Variants in OSBPL1A observed in about 807,000 individuals in gnomAD.
OSBPL1A encodes oxysterol binding protein like 1A.
Under a neutral mutation model 137.1 loss-of-function variants are expected in OSBPL1A, and 80 were observed. That is an observed-to-expected ratio of 0.58 (90% confidence interval 0.49 to 0.70). The LOEUF (loss-of-function observed/expected upper bound fraction) is 0.70. Ranked by LOEUF, OSBPL1A falls within the 30% of genes least tolerant of loss-of-function variation. The pLI is 0.00. For synonymous variants in OSBPL1A, 365 were observed against 389.7 expected, an observed-to-expected ratio of 0.94 and a Z score of 0.75; for missense variants, 970 against 1,129.4, an observed-to-expected ratio of 0.86 and a Z score of 2.02.
intron 7 of OSBPL1A, among the ~76,000 whole-genome samples, chr18:24,322,403 G>A (rs1354550438): frequency 6.6e-6 from 1 of 151,988 alleles, no homozygotes; most frequent in Non-Finnish European, 1.5e-5. Flanking sequence ...TTACAGGTGT[G>A]AGCCACCGTG....
intron 4 of OSBPL1A, chr18:24,366,608 T>TAAAA (rs546254870): frequency 4.0e-4 from 100 of 247,512 alleles, no homozygotes; most frequent in African/African-American, 2.2e-3. Context: ...ATTTTTTTTT[T>TAAAA]AAAAAAAAGA....
intron 16 of OSBPL1A, among the ~76,000 whole-genome samples, chr18:24,230,640 C>T (rs2088242226): frequency 6.6e-6 from 1 of 152,168 alleles, no homozygotes; most frequent in African/African-American, 2.4e-5. Flanking sequence ...CATAGCTAGA[C>T]TTCAGACAAT....
intron 17 of OSBPL1A, among the ~76,000 whole-genome samples, chr18:24,221,661 T>C (rs1219858011): frequency 6.6e-6 from 1 of 152,220 alleles, no homozygotes; most frequent in Non-Finnish European, 1.5e-5. Flanking sequence ...TTCTTCCATA[T>C]TAAATGATTA....
intron 21 of OSBPL1A, among the ~76,000 whole-genome samples, chr18:24,174,693 T>C (rs1172393447): frequency 1.3e-5 from 2 of 152,206 alleles, no homozygotes; most frequent in Admixed American, 6.5e-5. Flanking sequence ...TAAATTGTAA[T>C]AGGTATAAAT....
chr18:24,262,480 CA>C (rs1426768012), intron 15 of OSBPL1A, among the ~76,000 whole-genome samples: 1 of 151,772 alleles, frequency 6.6e-6, no homozygotes, highest in African/African-American at 2.4e-5. Context: ...ATCTTGTTTT[CA>C]GAAGTTATTC....
chr18:24,261,230 G>A (rs932918026), intron 15 of OSBPL1A, among the ~76,000 whole-genome samples: 9 of 152,106 alleles, frequency 5.9e-5, no homozygotes, highest in African/African-American at 2.2e-4. Flanking sequence ...ATAAAAAGCT[G>A]ATCAATACTT....
At position 24,251,655 on chromosome 18, in the gene OSBPL1A, T is replaced by C. The variant is rs141598546; in HGVS notation, c.1282-12273A>G. Among the ~76,000 whole-genome samples, 1,257 of 152,204 alleles carry C rather than the reference T, an allele frequency of 8.3e-3. 17 individuals are homozygous for C. Among genetic ancestry groups the C allele is most frequent in the Non-Finnish European group, 9.6e-3 (651 of 68,024 alleles). On this transcript the variant is annotated intron_variant, in intron 15 of 27. Coordinates refer to ENST00000319481, the MANE Select transcript of OSBPL1A (RefSeq NM_080597.4). ...CTACAATAAATACCTAACTCTTCAA[T>C]GCCCAGACACCAAAGAACATCGGCA...
At chr18:24,347,967 G>A (rs911073467) in intron 4 of OSBPL1A, 6 of 150,460 alleles carry the variant, frequency 4.0e-5, no homozygotes, top group African/African-American at 1.5e-4. Flanking sequence ...AAGGAAATAA[G>A]AGAACACCTT....
chr18:24,260,222 T>C (rs932185085), intron 15 of OSBPL1A, among the ~76,000 whole-genome samples: 9 of 152,182 alleles, frequency 5.9e-5, no homozygotes, highest in Non-Finnish European at 1.0e-4. Context: ...CTGATGGGAA[T>C]GTAAAACGTC....
At chr18:24,199,842 C>T (rs1252187122) in intron 17 of OSBPL1A, among the ~76,000 whole-genome samples, 1 of 152,094 alleles carries the variant, frequency 6.6e-6, no homozygotes, top group African/African-American at 2.4e-5. Flanking sequence ...GAAAGGCACC[C>T]CAGCTCGACC....
At chr18:24,204,533 G>C (rs2087314322) in intron 17 of OSBPL1A, among the ~76,000 whole-genome samples, 2 of 148,344 alleles carry the variant, frequency 1.3e-5, no homozygotes, top group Non-Finnish European at 3.0e-5. Flanking sequence ...TCTTGGTGAA[G>C]GCTTCTCCCA....
At chr18:24,264,754 C>T (rs1053290019) in intron 15 of OSBPL1A, among the ~76,000 whole-genome samples, 5 of 152,180 alleles carry the variant, frequency 3.3e-5, no homozygotes, top group African/African-American at 9.7e-5. Context: ...GCCACATCCG[C>T]TTGGGCTGTC....
rs1321007137 is a variant in OSBPL1A, at chr18:24,170,178, T to G, written c.2418+149A>C. Reference sequence around the variant, plus strand: ...TGCCGAGTACTTGTTAAAGCAAATGTCTGATCATTAAAAAGAGAAAAGTGA... The same window carrying G: ...TGCCGAGTACTTGTTAAAGCAAATGGCTGATCATTAAAAAGAGAAAAGTGA... On this transcript the variant is annotated intron_variant, in intron 24 of 27. Transcript: ENST00000319481. The G allele has an allele frequency of 3.3e-5, 31 of 931,166 alleles. No individual in the cohort carries two copies. In the East Asian group the frequency reaches 7.6e-4, roughly 23 times the overall value. The allele number at this position is 931,166 out of a possible 1,614,324, so 57.7% of individuals were successfully genotyped here. A position where few individuals can be genotyped will look rare whatever the true frequency, so the allele number is the denominator to read the frequency against.
chr18:24,164,422 T>G (rs981323258), intron 27 of OSBPL1A, among the ~76,000 whole-genome samples: 1,223 of 70,606 alleles, frequency 0.017, 84 homozygotes, highest in Non-Finnish European at 0.025. Flanking sequence ...GATTTTTGGT[T>G]TTTTTTTTTT....
intron 3 of OSBPL1A, 98 bp downstream of exon 3, chr18:24,368,188 GT>G (rs1172719140): frequency 1.2e-5 from 9 of 775,596 alleles, no homozygotes; most frequent in Non-Finnish European, 1.9e-5. Context: ...CTTTAAATAA[GT>G]CATTATGGCT....
intron 17 of OSBPL1A, among the ~76,000 whole-genome samples, chr18:24,216,897 T>C (rs574247146): frequency 2.6e-5 from 4 of 152,288 alleles, no homozygotes; most frequent in East Asian, 1.9e-4. Flanking sequence ...AAATGAAATA[T>C]GGCTCCTTAG....
chr18:24,280,879 A>G lies in OSBPL1A; in HGVS notation c.1244T>C (p.Leu415Ser), dbSNP rs538636956. ...GGTGAAGAGATTAAGGCAATCAGTC[A>G]AAGCTACACAAGTTTCTCTAGAAGC... ...SEASRETCVA[L>S]TDCLNLFTKQ... The change falls in exon 15 of 28, where the codon TTG becomes TCG. Residue 415 changes from leucine (L) to serine (S), a missense_variant. Coordinates refer to ENST00000319481, the MANE Select transcript of OSBPL1A (RefSeq NM_080597.4). 5.0e-5 allele frequency: 80 copies of G among 1,608,898 alleles called. No homozygotes were observed. The South Asian group carries it at 8.9e-4, about 18-fold the overall frequency.
intron 15 of OSBPL1A, among the ~76,000 whole-genome samples, chr18:24,243,990 G>A (rs985434474): frequency 9.2e-5 from 14 of 152,206 alleles, no homozygotes; most frequent in Admixed American, 3.3e-4. Context: ...TCACTGAAAC[G>A]ATGTAATTCC....
intron 17 of OSBPL1A, among the ~76,000 whole-genome samples, chr18:24,212,003 C>G (rs2087559828): frequency 6.6e-6 from 1 of 151,436 alleles, no homozygotes; most frequent in South Asian, 2.1e-4. Context: ...AATAAAATGT[C>G]GAGGAATATT....
Sources: gnomAD v4.1 joint callset for allele counts (sites outside exome capture counted in the v4.1 genomes callset) on GRCh38, gnomAD v4.1.1 for gene constraint, MANE v1.5 for transcripts, NCBI Gene and HGNC (gene_info 2026-07-23, HGNC 2026-07-21) for gene names.